CCDC112: variants seen among roughly 807,000 people sequenced by gnomAD.
The protein encoded by CCDC112 is coiled-coil domain containing 112, also known as coiled-coil domain-containing protein 112.
Under a neutral mutation model 66.3 loss-of-function variants are expected in CCDC112, and 40 were observed. The observed-to-expected ratio is 0.60, with a 90% CI of 0.47 to 0.79. CCDC112 has a LOEUF of 0.79. Among genes scored for constraint, CCDC112 ranks in the 30% least tolerant of loss-of-function variants. The pLI is 0.00. For missense variants in CCDC112, 659 were observed against 603.8 expected (o/e 1.09, Z -0.96); for synonymous variants, 214 against 197.2 (o/e 1.09, Z -0.71).
rs779103674 is a variant in CCDC112 at position 115,268,879 on chromosome 5, T to C, written c.1547+3A>G. The C allele has an allele frequency of 3.9e-6, 6 of 1,536,602 alleles. No homozygotes were observed. In the South Asian group the frequency reaches 6.1e-5, roughly 16 times the overall value. On this transcript the variant is annotated splice_donor_region_variant and intron_variant, in intron 9 of 9. Coordinates refer to ENST00000379611, the MANE Select transcript of CCDC112 (RefSeq NM_001040440.3). ...ATGAACACCAATTCTAACTCTTTCTTACCTATGTGGGATATGTAGAAGTGG... is the reference window on the plus strand; with the variant it reads ...ATGAACACCAATTCTAACTCTTTCTCACCTATGTGGGATATGTAGAAGTGG...
intron 1 of CCDC112, among the ~76,000 whole-genome samples, chr5:115,290,407 G>T (rs567507354): frequency 1.3e-5 from 2 of 152,314 alleles, no homozygotes; most frequent in East Asian, 3.9e-4. Flanking sequence ...TTTAACAAGT[G>T]TAAGTCCTTC....
chr5:115,296,176 T>A, intron 1 of CCDC112: 1 of 1,261,030 alleles, frequency 7.9e-7, no homozygotes, highest in Non-Finnish European at 1.0e-6. Flanking sequence ...TATGTTCTTA[T>A]CACGCGGCTA....
At chr5:115,274,410 A>AT (rs534312883) in intron 6 of CCDC112, among the ~76,000 whole-genome samples, 2 of 151,374 alleles carry the variant, frequency 1.3e-5, no homozygotes, top group Admixed American at 6.6e-5. Context: ...ATCAGGCGTT[A>AT]TTTTTTTTTC....
rs139373580 is a variant in CCDC112, at chr5:115,279,665, G to T, written c.343C>A (p.His115Asn). The T allele has an allele frequency of 1.8e-5, 29 of 1,611,420 alleles. No homozygotes were observed. In the African/African-American group the frequency reaches 3.5e-4, roughly 19 times the overall value. ...MLEELENKLI[H>N]SRKTERAKIQ... Reference sequence around the variant, plus strand: ...AACTTACTTTCTGTTTTCCTGCTGTGAATCAATTTATTTTCCAATTCTTCT... The same window carrying T: ...AACTTACTTTCTGTTTTCCTGCTGTTAATCAATTTATTTTCCAATTCTTCT... Residue 115 changes from histidine to asparagine, a missense_variant, in exon 3 of 10, where the codon CAC becomes AAC. Coordinates refer to ENST00000379611, the MANE Select transcript of CCDC112 (RefSeq NM_001040440.3).
chr5:115,276,129 T>C (rs1749198087), intron 4 of CCDC112, 60 bp from the exon 5 acceptor site: 3 of 1,170,208 alleles, frequency 2.6e-6, no homozygotes, highest in African/African-American at 1.6e-5. Context: ...AAAAGTTAAA[T>C]ATTAGGAAGA....
Position 115,271,421 on chromosome 5 carries a change from G to A in CCDC112, c.1124C>T (p.Ser375Phe). The A allele has an allele frequency of 1.2e-6, 2 of 1,609,236 alleles. No homozygotes were observed. The highest frequency in any genetic ancestry group is 1.7e-6 in the Non-Finnish European group (2 of 1,179,056). ...TTTCTCTTCTTCTTCTTTTAACTGGGAAGCACATTTCATTGACATTTCTAT... is the reference window on the plus strand; with the variant it reads ...TTTCTCTTCTTCTTCTTTTAACTGGAAAGCACATTTCATTGACATTTCTAT... ...KSIEMSMKCASQLKEEEEKEK... is the reference protein window; with the variant it reads ...KSIEMSMKCAFQLKEEEEKEK... Residue 375 changes from serine (S) to phenylalanine (F), a missense_variant, in exon 7 of 10, where the codon TCC becomes TTC. Coordinates refer to ENST00000379611, the MANE Select transcript of CCDC112 (RefSeq NM_001040440.3).
At chr5:115,281,019 T>G (rs72813844) in intron 2 of CCDC112, among the ~76,000 whole-genome samples, 4 of 150,878 alleles carry the variant, frequency 2.7e-5, no homozygotes, top group Non-Finnish European at 5.9e-5. Context: ...TTGCCATACA[T>G]AGAGAATTTT....
intron 2 of CCDC112, among the ~76,000 whole-genome samples, chr5:115,281,451 T>C (rs1292722939): frequency 2.0e-5 from 3 of 152,330 alleles, no homozygotes; most frequent in Middle Eastern, 3.4e-3. Flanking sequence ...AGGTAGCTTC[T>C]ATTGTTTGTG....
Position 115,271,245 on chromosome 5 carries a change from C to T in CCDC112, c.1300G>A (p.Ala434Thr), listed in dbSNP as rs201580583. 13 of 1,581,970 alleles carry T rather than the reference C, an allele frequency of 8.2e-6. No homozygotes were observed. Among genetic ancestry groups the T allele is most frequent in the Non-Finnish European group, 1.1e-5 (13 of 1,172,310 alleles). ...KAEKAEKRKN[A>T]ADEISRFQER... ...TGAAATCTGGAAATTTCATCAGCAG[C>T]ATTTTTCCTTTTTTCTGCCTTTTCT... The change falls in exon 7 of 10, where the codon GCT (alanine) becomes ACT (threonine). Residue 434 changes from alanine (A) to threonine (T), a missense_variant. Transcript: ENST00000379611.
chr5:115,295,103 C>T, intron 1 of CCDC112, among the ~76,000 whole-genome samples: 1 of 152,110 alleles, frequency 6.6e-6, no homozygotes, highest in Admixed American at 6.5e-5. Context: ...CCCCTGCTCC[C>T]CACTCTGACA....
At chr5:115,282,686 G>C (rs1056346870) in intron 2 of CCDC112, among the ~76,000 whole-genome samples, 1 of 152,106 alleles carries the variant, frequency 6.6e-6, no homozygotes, top group African/African-American at 2.4e-5. Flanking sequence ...TCTGGGGAAG[G>C]ATACATAAGA....
Position 115,271,324 on chromosome 5 carries a change from C to CGA in CCDC112, c.1220_1221insTC (p.Gln407HisfsTer10). 2 of 1,613,138 alleles carry CGA rather than the reference C, an allele frequency of 1.2e-6. No homozygotes were observed. The highest frequency in any genetic ancestry group is 1.3e-5 in the African/African-American group (1 of 74,954). ...TCAAAAATTCTTCCTGTTCTTTCTT[C>CGA]TGCTGGGTATAACTTTCTAGTAGTA... On this transcript the variant is annotated frameshift_variant, in exon 7 of 10. Transcript: ENST00000379611. LOFTEE classifies it high-confidence loss of function.
chr5:115,296,509 G>A lies in CCDC112; in HGVS notation c.35C>T (p.Ala12Val), dbSNP rs200296901. The change falls in exon 1 of 10, where the codon GCG becomes GTG. Residue 12 changes from alanine (A) to valine (V), a missense_variant. Transcript: ENST00000379611. ...CACAGCCCCGGCTACCGCGGTGGCC[G>A]CAGCCGCTACCACAACCGTCGTCAG... ...AALTTVVVAA[A>V]ATAVAGAVAG... The A allele has an allele frequency of 6.5e-7, 1 of 1,543,058 alleles. No individual in the cohort carries two copies. Among genetic ancestry groups the A allele is most frequent in the Admixed American group, 1.9e-5 (1 of 52,848 alleles).
At chr5:115,294,545 T>G (rs542348101) in intron 1 of CCDC112, among the ~76,000 whole-genome samples, 1 of 152,310 alleles carries the variant, frequency 6.6e-6, no homozygotes, top group African/African-American at 2.4e-5. Flanking sequence ...CTTTTGTTGT[T>G]TTAGCCACCA....
At chr5:115,270,518 C>G (rs1172480114) in intron 7 of CCDC112, among the ~76,000 whole-genome samples, 1 of 152,112 alleles carries the variant, frequency 6.6e-6, no homozygotes, top group Non-Finnish European at 1.5e-5. Flanking sequence ...CAGCAATAAT[C>G]TCGATTCCTT....
intron 1 of CCDC112, among the ~76,000 whole-genome samples, chr5:115,287,215 AG>A (rs1749711978): frequency 6.6e-6 from 1 of 152,150 alleles, no homozygotes; most frequent in Non-Finnish European, 1.5e-5. Context: ...TTTTTATTAC[AG>A]TCATCTTAAT....
intron 1 of CCDC112, 192 bp downstream of exon 1, chr5:115,296,235 C>G: frequency 1.6e-6 from 2 of 1,285,668 alleles, no homozygotes; most frequent in Non-Finnish European, 9.8e-7. Context: ...GACTCCGAAA[C>G]CACATGGAGG....
intron 1 of CCDC112, among the ~76,000 whole-genome samples, chr5:115,288,149 T>G (rs530609102): frequency 3.9e-5 from 6 of 152,116 alleles, no homozygotes; most frequent in Non-Finnish European, 8.8e-5. Flanking sequence ...CCCAGCTAAT[T>G]TTTGTATTTT....
intron 1 of CCDC112, among the ~76,000 whole-genome samples, chr5:115,293,080 C>T (rs745882346): frequency 9.2e-5 from 14 of 152,126 alleles, no homozygotes; most frequent in African/African-American, 2.4e-4. Flanking sequence ...GAGGACATTA[C>T]GCTAAGTGAA....
Sources: gnomAD v4.1 joint callset for allele counts (sites outside exome capture counted in the v4.1 genomes callset) on GRCh38, gnomAD v4.1.1 for gene constraint, MANE v1.5 for transcripts, NCBI Gene and HGNC (gene_info 2026-07-23, HGNC 2026-07-21) for gene names.